OLFM3: variants seen among roughly 807,000 people sequenced by gnomAD.
The protein encoded by OLFM3 is noelin-3.
OLFM3 carries 20 observed loss-of-function variants against 48.6 expected under a neutral mutation model. The ratio of observed to expected loss-of-function variants is 0.41; its 90% CI spans 0.29 to 0.60. OLFM3 has a LOEUF of 0.60. Among genes scored for constraint, OLFM3 ranks in the 20% least tolerant of loss-of-function variants. The pLI is 0.28. For missense variants in OLFM3, 437 were observed against 544.3 expected, an observed-to-expected ratio of 0.80 and a Z score of 1.96; for synonymous variants, 222 against 198.1, an observed-to-expected ratio of 1.12 and a Z score of -1.01.
intron 3 of OLFM3, 55 bp from the exon 4 acceptor site, chr1:101,825,300 C>T: frequency 7.5e-7 from 1 of 1,340,510 alleles, no homozygotes. Context: ...TCATGCTGCT[C>T]TGTTCTTTTT....
At chr1:101,826,489 T>C (rs1654872677) in intron 3 of OLFM3, among the ~76,000 whole-genome samples, 1 of 152,194 alleles carries the variant, frequency 6.6e-6, no homozygotes, top group South Asian at 2.1e-4. Flanking sequence ...AATTGCATTT[T>C]TAAATTACAT....
At chr1:101,832,491 T>G (rs570070139) in intron 2 of OLFM3, among the ~76,000 whole-genome samples, 46 of 152,350 alleles carry the variant, frequency 3.0e-4, no homozygotes, top group South Asian at 2.7e-3. Flanking sequence ...CTTGCCCTTT[T>G]TGGATCCTGT....
intron 1 of OLFM3, among the ~76,000 whole-genome samples, chr1:101,917,214 AG>A (rs1420187477): frequency 6.6e-6 from 1 of 152,210 alleles, no homozygotes; most frequent in Non-Finnish European, 1.5e-5. Context: ...CCTAAATTGC[AG>A]TATCATCTGT....
At chr1:101,864,011 C>A (rs961136888) in intron 1 of OLFM3, among the ~76,000 whole-genome samples, 2 of 152,134 alleles carry the variant, frequency 1.3e-5, no homozygotes, top group African/African-American at 4.8e-5. Flanking sequence ...ATGGGGAAAA[C>A]AGCTTAGAGG....
At chr1:101,912,097 C>T (rs1214506100) in intron 1 of OLFM3, among the ~76,000 whole-genome samples, 1 of 152,098 alleles carries the variant, frequency 6.6e-6, no homozygotes, top group Non-Finnish European at 1.5e-5. Flanking sequence ...TGCCCTTGGC[C>T]CACATGCTTA....
At chr1:101,973,875 G>C (rs1254185315) in intron 1 of OLFM3, among the ~76,000 whole-genome samples, 2 of 152,130 alleles carry the variant, frequency 1.3e-5, no homozygotes, top group African/African-American at 4.8e-5. Context: ...ATTATTGGCA[G>C]TTTTGATAAA....
intron 1 of OLFM3, among the ~76,000 whole-genome samples, chr1:101,847,377 C>T (rs554553940): frequency 6.6e-6 from 1 of 151,830 alleles, no homozygotes; most frequent in Admixed American, 6.6e-5. Flanking sequence ...AAAAAATACA[C>T]CTTTAAATGG....
intron 1 of OLFM3, among the ~76,000 whole-genome samples, chr1:101,878,250 T>C (rs1021449844): frequency 1.1e-4 from 16 of 151,920 alleles, no homozygotes; most frequent in Non-Finnish European, 1.6e-4. Flanking sequence ...ATCTCCATTG[T>C]TGTGTTAATG....
intron 1 of OLFM3, among the ~76,000 whole-genome samples, chr1:101,891,834 A>C (rs1374619884): frequency 2.6e-5 from 4 of 151,996 alleles, no homozygotes; most frequent in Non-Finnish European, 5.9e-5. Context: ...AAAATCATAA[A>C]ATGTAGTTAT....
chr1:101,859,662 G>C (rs2100960584), intron 1 of OLFM3, among the ~76,000 whole-genome samples: 1 of 152,208 alleles, frequency 6.6e-6, no homozygotes, highest in East Asian at 1.9e-4. Flanking sequence ...TGAGTGTCAT[G>C]TTGGTATTCA....
intron 1 of OLFM3, among the ~76,000 whole-genome samples, chr1:101,962,424 G>C (rs1236596779): frequency 6.6e-6 from 1 of 151,994 alleles, no homozygotes; most frequent in Non-Finnish European, 1.5e-5. Context: ...AATCACCTAT[G>C]ATATTTTTTA....
At chr1:101,989,724 G>A (rs1661348953) in intron 1 of OLFM3, among the ~76,000 whole-genome samples, 1 of 152,150 alleles carries the variant, frequency 6.6e-6, no homozygotes, top group Admixed American at 6.5e-5. Context: ...GAGGGTCAAG[G>A]TCTTTTGAAA....
chr1:101,885,841 T>C (rs1235258712), intron 1 of OLFM3, among the ~76,000 whole-genome samples: 1 of 152,094 alleles, frequency 6.6e-6, no homozygotes, highest in Non-Finnish European at 1.5e-5. Context: ...CTTTATGCTA[T>C]TGGTACATCT....
intron 1 of OLFM3, chr1:101,882,906 C>T (rs1289533224): frequency 6.6e-6 from 1 of 151,788 alleles, no homozygotes; most frequent in Non-Finnish European, 1.5e-5. Flanking sequence ...TTAAAGTAGA[C>T]ATGAAAAATA....
intron 1 of OLFM3, among the ~76,000 whole-genome samples, chr1:101,904,866 A>G (rs1054251226): frequency 7.9e-5 from 12 of 152,050 alleles, no homozygotes; most frequent in African/African-American, 2.9e-4. Flanking sequence ...TCACAGCAAA[A>G]CCAATGCCCA....
intron 1 of OLFM3, among the ~76,000 whole-genome samples, chr1:101,840,236 T>C (rs561322553): frequency 2.6e-5 from 4 of 152,326 alleles, no homozygotes; most frequent in African/African-American, 9.6e-5. Context: ...CAATCATTAA[T>C]GGAGTTCTAT....
chr1:101,871,704 GTTAAAATTTTTGATA>G, intron 1 of OLFM3, among the ~76,000 whole-genome samples: 1 of 151,856 alleles, frequency 6.6e-6, no homozygotes, highest in Non-Finnish European at 1.5e-5. Flanking sequence ...TATCAAAAGA[GTTAAAATTTTTGATA>G]TTTGATACCA....
intron 5 of OLFM3, among the ~76,000 whole-genome samples, chr1:101,805,525 G>A (rs1018418307): frequency 2.0e-5 from 3 of 151,740 alleles, no homozygotes; most frequent in African/African-American, 7.3e-5. Flanking sequence ...GCTATGGCAA[G>A]TTTCTAGTAT....
At chr1:101,991,333 G>C (rs1661405326) in intron 1 of OLFM3, among the ~76,000 whole-genome samples, 1 of 151,904 alleles carries the variant, frequency 6.6e-6, no homozygotes, top group African/African-American at 2.4e-5. Flanking sequence ...TTTCACTACT[G>C]CCAATTAAGT....
Sources: allele counts gnomAD v4.1 joint callset (sites outside exome capture counted in the v4.1 genomes callset), GRCh38; gene constraint gnomAD v4.1.1; transcripts MANE v1.5; gene names NCBI Gene and HGNC (gene_info 2026-07-23, HGNC 2026-07-21).